Variants in CHN1 observed in about 807,000 individuals in gnomAD.
CHN1 encodes chimerin 1.
CHN1 carries 37 observed loss-of-function variants against 59.5 expected under a neutral mutation model. The observed-to-expected ratio is 0.62, with a 90% confidence interval of 0.48 to 0.82. The LOEUF (loss-of-function observed/expected upper bound fraction) is 0.82. CHN1 is among the 40% of genes least tolerant of loss of function. CHN1 has a pLI of 0.00. For synonymous variants in CHN1, 206 were observed against 200.4 expected (o/e 1.03, Z -0.24); for missense variants, 469 against 571.0 (o/e 0.82, Z 1.82).
At chr2:174,807,949 A>C (rs1383097539) in intron 11 of CHN1, among the ~76,000 whole-genome samples, 1 of 152,266 alleles carries the variant, frequency 6.6e-6, no homozygotes, top group Non-Finnish European at 1.5e-5. Flanking sequence ...TTTTCCAAAA[A>C]AACCAGTAAT....
At chr2:174,849,216 A>G (rs1024844998) in intron 6 of CHN1, among the ~76,000 whole-genome samples, 1 of 152,212 alleles carries the variant, frequency 6.6e-6, no homozygotes, top group African/African-American at 2.4e-5. Context: ...CTAAAATTCA[A>G]GCATAAAAAT....
chr2:174,953,592 T>C lies in CHN1; in HGVS notation c.20-1390A>G, dbSNP rs565496604. 2.0e-5 allele frequency among the ~76,000 whole-genome samples: 3 copies of C among 152,264 alleles called. No homozygotes were observed. In the South Asian group the frequency reaches 6.2e-4, roughly 32 times the overall value. The stretch of plus-strand genomic sequence containing the variant: ...TTCAGCAAAGTTTCCAAAGTTAATG[T>C]ACACAAATCAGTAGCTCTGCTATAC... On this transcript the variant is annotated intron_variant, in intron 1 of 12. Coordinates refer to ENST00000409900, the MANE Select transcript of CHN1 (RefSeq NM_001822.7).
At chr2:174,890,647 A>G (rs1480994379) in intron 5 of CHN1, among the ~76,000 whole-genome samples, 1 of 152,212 alleles carries the variant, frequency 6.6e-6, no homozygotes, top group African/African-American at 2.4e-5. Flanking sequence ...AAATTTCAAT[A>G]CCCTACTTTA....
chr2:174,884,378 A>C (rs1687831013), intron 5 of CHN1, among the ~76,000 whole-genome samples: 1 of 152,030 alleles, frequency 6.6e-6, no homozygotes, highest in African/African-American at 2.4e-5. Context: ...ACATTTACAC[A>C]ATGGATGAAA....
intron 1 of CHN1, among the ~76,000 whole-genome samples, chr2:174,954,757 T>C (rs886280880): frequency 6.6e-6 from 1 of 152,132 alleles, no homozygotes; most frequent in Non-Finnish European, 1.5e-5. Context: ...ACCTCACTCC[T>C]ACAAGAGTGG....
chr2:174,983,692 G>A (rs546448256), intron 1 of CHN1, among the ~76,000 whole-genome samples: 1 of 152,258 alleles, frequency 6.6e-6, no homozygotes, highest in South Asian at 2.1e-4. Context: ...GCTGGGCTTG[G>A]TGGCATGCGC....
intron 8 of CHN1, among the ~76,000 whole-genome samples, chr2:174,824,005 A>G (rs1423765129): frequency 2.0e-5 from 3 of 152,258 alleles, no homozygotes; most frequent in African/African-American, 7.2e-5. Flanking sequence ...ACAAAAATTT[A>G]GTAAGGACAA....
intron 1 of CHN1, among the ~76,000 whole-genome samples, chr2:174,965,155 G>A (rs1229855845): frequency 6.6e-6 from 1 of 151,976 alleles, no homozygotes; most frequent in Admixed American, 6.6e-5. Flanking sequence ...ATACCTTAAT[G>A]TCCTGATTTT....
chr2:174,846,778 A>T, intron 7 of CHN1, 102 bp downstream of exon 7: 2 of 1,144,498 alleles, frequency 1.7e-6, no homozygotes, highest in Non-Finnish European at 2.4e-6. Context: ...AGAACATTTT[A>T]GTCAAGTCAT....
chr2:175,000,690 C>G lies in CHN1; in HGVS notation c.19+4204G>C, dbSNP rs1691863869. On this transcript the variant is annotated intron_variant, in intron 1 of 12. Coordinates refer to ENST00000409900, the MANE Select transcript of CHN1 (RefSeq NM_001822.7). ...AACTCCTGACCTCAAATGATCCACC[C>G]ACCTCGGCCTCCCAAAATGCTGGTA... Among the ~76,000 whole-genome samples, 2 of 152,092 alleles carry G rather than the reference C, an allele frequency of 1.3e-5. 1 individual carries two copies. The highest frequency in any genetic ancestry group is 4.1e-4 in the South Asian group (2 of 4,830).
In CHN1 at chr2:174,858,513, T is replaced by C. The variant is rs531168316; in HGVS notation, c.550-11556A>G. ...GTGTTAATTGTCCACTGTCCTGCCA[T>C]ACATTTAATTTTCTTTGTAATGACT... On this transcript the variant is annotated intron_variant, in intron 6 of 12. Coordinates refer to ENST00000409900, the MANE Select transcript of CHN1 (RefSeq NM_001822.7). Among the ~76,000 whole-genome samples the C allele has an allele frequency of 4.7e-4, 72 of 152,312 alleles. 2 individuals are homozygous for C. In the South Asian group the frequency reaches 0.015, roughly 31 times the overall value.
At chr2:174,976,333 G>C (rs1690937941) in intron 1 of CHN1, among the ~76,000 whole-genome samples, 1 of 151,730 alleles carries the variant, frequency 6.6e-6, no homozygotes, top group Non-Finnish European at 1.5e-5. Context: ...CGCCTCCCGG[G>C]TTCAAGCAAT....
chr2:174,859,799 C>T (rs972433526), intron 6 of CHN1, among the ~76,000 whole-genome samples: 13 of 152,058 alleles, frequency 8.5e-5, no homozygotes, highest in Admixed American at 6.6e-5. Flanking sequence ...ACTCTTAACC[C>T]TAAGTAAGGC....
intron 11 of CHN1, among the ~76,000 whole-genome samples, chr2:174,807,648 C>G (rs774212133): frequency 2.6e-5 from 4 of 152,086 alleles, no homozygotes; most frequent in Non-Finnish European, 4.4e-5. Context: ...ATTTTTCATG[C>G]TTTCTAACCT....
In CHN1 at chr2:175,005,185, C is replaced by T; in HGVS notation, c.-273G>A. On this transcript the variant is annotated 5_prime_UTR_variant, in exon 1 of 13. Coordinates refer to ENST00000409900, the MANE Select transcript of CHN1 (RefSeq NM_001822.7). ...CTTGTCGCTGCCATCAGGCGCGGAG[C>T]GTGCGCGCGGGAGGAGGTACCTGCG... 8.0e-7 allele frequency: 1 copy of T among 1,253,818 alleles called. No individual in the cohort carries two copies. Among genetic ancestry groups the T allele is most frequent in the South Asian group, 2.0e-5 (1 of 49,022 alleles). 77.7% of individuals were successfully genotyped at this position (1,253,818 alleles called of 1,614,324 possible).
rs1692029060 is a variant in CHN1, at chr2:175,005,227, C to T, written c.-315G>A. ...GTACCTGCGAGGCAGGAGGCTTGGC[C>T]GCGGCGCAGTGGCTGGCGGAGAGGC... On this transcript the variant is annotated 5_prime_UTR_variant, in exon 1 of 13. Coordinates refer to ENST00000409900, the MANE Select transcript of CHN1 (RefSeq NM_001822.7). 1.7e-6 allele frequency: 2 copies of T among 1,195,672 alleles called. No individual in the cohort carries two copies. Among genetic ancestry groups the T allele is most frequent in the South Asian group, 2.2e-5 (1 of 45,154 alleles). The allele number at this position is 1,195,672 out of a possible 1,614,324, so 74.1% of individuals were successfully genotyped here.
At chr2:174,927,233 C>T (rs1689196698) in intron 3 of CHN1, among the ~76,000 whole-genome samples, 1 of 152,148 alleles carries the variant, frequency 6.6e-6, no homozygotes, top group South Asian at 2.1e-4. Flanking sequence ...GTCTCAGATA[C>T]TTTTGGTTTA....
intron 5 of CHN1, among the ~76,000 whole-genome samples, chr2:174,903,946 T>C (rs1356189980): frequency 2.0e-5 from 3 of 152,164 alleles, no homozygotes; most frequent in African/African-American, 4.8e-5. Context: ...AAAATCTTAA[T>C]TACTAAAATG....
intron 6 of CHN1, among the ~76,000 whole-genome samples, chr2:174,860,210 T>C (rs1343898717): frequency 6.6e-6 from 1 of 152,176 alleles, no homozygotes; most frequent in African/African-American, 2.4e-5. Flanking sequence ...AAACTGTTTT[T>C]AGAAATAGCT....
Sources: allele counts gnomAD v4.1 joint callset (sites outside exome capture counted in the v4.1 genomes callset), GRCh38; gene constraint gnomAD v4.1.1; transcripts MANE v1.5; gene names NCBI Gene and HGNC (gene_info 2026-07-23, HGNC 2026-07-21).